Variants in PHF24 observed in about 807,000 individuals in gnomAD.
The protein encoded by PHF24 is PHD finger protein 24.
Under a neutral mutation model 42.6 loss-of-function variants are expected in PHF24, and 25 were observed. The observed-to-expected ratio is 0.59, with a 90% CI of 0.43 to 0.82. The LOEUF is 0.82. PHF24 is among the 40% of genes least tolerant of loss of function. The pLI, the probability that PHF24 is intolerant of heterozygous loss-of-function variation, is 0.00. For synonymous variants in PHF24, 185 were observed against 204.8 expected, an observed-to-expected ratio of 0.90 and a Z score of 0.83; for missense variants, 470 against 538.1, an observed-to-expected ratio of 0.87 and a Z score of 1.25.
chr9:34,832,075 A>G, the PHF24 span, among the ~76,000 whole-genome samples: 2 of 152,158 alleles, frequency 1.3e-5, no homozygotes, highest in African/African-American at 4.8e-5. Context: ...ACCTTCCCTT[A>G]ACACAATACA....
chr9:34,933,091 A>G, the PHF24 span, among the ~76,000 whole-genome samples: 2 of 150,026 alleles, frequency 1.3e-5, no homozygotes, highest in African/African-American at 4.9e-5. Flanking sequence ...TCCCAAGTAT[A>G]TGATACTACA....
the PHF24 span, among the ~76,000 whole-genome samples, chr9:34,869,643 T>C: frequency 6.6e-6 from 1 of 151,618 alleles, no homozygotes. Context: ...GTGTTTTGTA[T>C]ACACACACAC....
At chr9:34,878,021 C>T in the PHF24 span, among the ~76,000 whole-genome samples, 1 of 152,070 alleles carries the variant, frequency 6.6e-6, no homozygotes, top group African/African-American at 2.4e-5. Flanking sequence ...GCATGTATAA[C>T]ACAAAAAGTG....
chr9:34,744,228 G>T, the PHF24 span, among the ~76,000 whole-genome samples: 1 of 152,178 alleles, frequency 6.6e-6, no homozygotes, highest in African/African-American at 2.4e-5. Flanking sequence ...GATGGACCAT[G>T]GGTGGTGGTC....
the PHF24 span, among the ~76,000 whole-genome samples, chr9:34,685,682 A>G: frequency 1.3e-5 from 2 of 152,184 alleles, no homozygotes; most frequent in African/African-American, 2.4e-5. Context: ...CAAATTCCTT[A>G]TACATAGAAT....
chr9:34,708,324 G>C, the PHF24 span, among the ~76,000 whole-genome samples: 1 of 150,478 alleles, frequency 6.6e-6, no homozygotes, highest in Non-Finnish European at 1.5e-5. Context: ...AAGAAAGGAG[G>C]AAAAAAAAAG....
At chr9:34,759,177 T>A in the PHF24 span, among the ~76,000 whole-genome samples, 3 of 152,296 alleles carry the variant, frequency 2.0e-5, no homozygotes, top group East Asian at 5.8e-4. Flanking sequence ...CCTTGATATC[T>A]TAGAACCTTA....
chr9:34,917,959 G>A, the PHF24 span: 6,703 of 1,517,726 alleles, frequency 4.4e-3, 47 homozygotes, highest in South Asian at 0.024. Flanking sequence ...AAGGCCATGT[G>A]GGAGGAGAAT....
At chr9:34,862,061 G>C in the PHF24 span, among the ~76,000 whole-genome samples, 1 of 152,162 alleles carries the variant, frequency 6.6e-6, no homozygotes. Context: ...TTCTTGCTGT[G>C]TCCTCACACG....
the PHF24 span, among the ~76,000 whole-genome samples, chr9:34,926,655 C>T: frequency 6.6e-6 from 1 of 151,528 alleles, no homozygotes; most frequent in Non-Finnish European, 1.5e-5. The surrounding 1 kb of genome is among the most constrained non-coding windows in gnomAD (Gnocchi z 4.3). Flanking sequence ...TGGGTGCACA[C>T]CTGCTGTGTT....
the PHF24 span, among the ~76,000 whole-genome samples, chr9:34,842,623 G>A: frequency 2.0e-5 from 3 of 152,150 alleles, no homozygotes; most frequent in Non-Finnish European, 4.4e-5. Context: ...TTCCATCTTG[G>A]AAGCAGAGAC....
the PHF24 span, among the ~76,000 whole-genome samples, chr9:34,733,162 C>G: frequency 1.3e-5 from 2 of 152,160 alleles, no homozygotes; most frequent in African/African-American, 4.8e-5. Context: ...TGCCTCTCTT[C>G]CTATGCTTGT....
chr9:34,672,900 G>C, the PHF24 span, among the ~76,000 whole-genome samples: 1 of 152,116 alleles, frequency 6.6e-6, no homozygotes, highest in Admixed American at 6.5e-5. Flanking sequence ...TTGAACTCCT[G>C]GTCTCAGCCA....
the PHF24 span, among the ~76,000 whole-genome samples, chr9:34,948,116 A>G: frequency 6.6e-6 from 1 of 151,568 alleles, no homozygotes; most frequent in East Asian, 1.9e-4. Context: ...TCTCAAAAAA[A>G]AAAAAAAGAA....
the PHF24 span, among the ~76,000 whole-genome samples, chr9:34,926,380 C>CAGCAGGGCTG: frequency 6.6e-6 from 1 of 152,276 alleles, no homozygotes; most frequent in Admixed American, 6.5e-5. The surrounding 1 kb of genome is among the most constrained non-coding windows in gnomAD (Gnocchi z 4.3). Context: ...CCAGAGAGGC[C>CAGCAGGGCTG]AGCAGGGCTG....
the PHF24 span, among the ~76,000 whole-genome samples, chr9:34,772,985 A>G: frequency 6.6e-6 from 1 of 150,724 alleles, no homozygotes; most frequent in Non-Finnish European, 1.5e-5. Flanking sequence ...TAGCTCTCAG[A>G]GTTCTGTTTT....
At chr9:34,902,211 A>C in the PHF24 span, among the ~76,000 whole-genome samples, 3 of 152,200 alleles carry the variant, frequency 2.0e-5, no homozygotes, top group Non-Finnish European at 2.9e-5. Flanking sequence ...ATATGTTACT[A>C]TGATTGTAAA....
At chr9:34,702,439 G>T in the PHF24 span, among the ~76,000 whole-genome samples, 20 of 152,180 alleles carry the variant, frequency 1.3e-4, no homozygotes, top group Admixed American at 1.1e-3. Context: ...ATATTGGATT[G>T]AAATTTATTA....
At chr9:34,723,547 A>C in the PHF24 span, 7 of 1,551,802 alleles carry the variant, frequency 4.5e-6, no homozygotes, top group Non-Finnish European at 6.1e-6. Context: ...TGGAGTCCTC[A>C]TGCCCTTTGC....
Sources: allele counts gnomAD v4.1 joint callset (sites outside exome capture counted in the v4.1 genomes callset), GRCh38; gene constraint gnomAD v4.1.1; non-coding constraint Gnocchi (gnomAD v3.1); transcripts MANE v1.5; gene names NCBI Gene and HGNC (gene_info 2026-07-23, HGNC 2026-07-21).